GRIK4: variants seen among roughly 807,000 people sequenced by gnomAD.
The protein encoded by GRIK4 is glutamate ionotropic receptor kainate type subunit 4.
A neutral mutation model predicts 104.9 loss-of-function variants in GRIK4; 40 were observed. That is an observed-to-expected ratio of 0.38 (90% CI 0.30 to 0.50). The LOEUF is 0.50. Among genes scored for constraint, GRIK4 ranks in the 20% least tolerant of loss-of-function variants. The pLI is 0.93. For missense variants in GRIK4, 1,047 were observed against 1,308.1 expected (o/e 0.80, Z 3.08); for synonymous variants, 485 against 524.9 (o/e 0.92, Z 1.04).
At chr11:120,833,801 AT>A (rs34617280) in intron 7 of GRIK4, among the ~76,000 whole-genome samples, 49,656 of 151,980 alleles carry the variant, frequency 0.33, 8,960 homozygotes, top group East Asian at 0.48. Flanking sequence ...TTACAGACAC[AT>A]TTTTCCCCCA....
At chr11:120,556,705 C>G (rs533101041) in intron 1 of GRIK4, among the ~76,000 whole-genome samples, 1 of 152,228 alleles carries the variant, frequency 6.6e-6, no homozygotes, top group South Asian at 2.1e-4. Flanking sequence ...AAAAAAAGCA[C>G]CCTCCTGTCA....
At chr11:120,521,602 C>T (rs1947797597) in intron 1 of GRIK4, among the ~76,000 whole-genome samples, 1 of 152,196 alleles carries the variant, frequency 6.6e-6, no homozygotes. Context: ...CCCAGGGCTG[C>T]ATCTGCCACC....
chr11:120,603,898 C>T (rs1463027678), intron 1 of GRIK4, among the ~76,000 whole-genome samples: 4 of 150,282 alleles, frequency 2.7e-5, no homozygotes, highest in African/African-American at 9.8e-5. Flanking sequence ...TGGCCGGGTG[C>T]GGTGGCTCAT....
At chr11:120,656,500 A>T (rs2135230555) in intron 2 of GRIK4, among the ~76,000 whole-genome samples, 1 of 152,230 alleles carries the variant, frequency 6.6e-6, no homozygotes, top group East Asian at 1.9e-4. Flanking sequence ...ATTTCTCATC[A>T]CTGTGTCTAG....
At chr11:120,606,887 G>C (rs1340057884) in intron 1 of GRIK4, among the ~76,000 whole-genome samples, 1 of 152,188 alleles carries the variant, frequency 6.6e-6, no homozygotes, top group East Asian at 1.9e-4. Flanking sequence ...AGGGGAATCT[G>C]CATGTTTTGA....
At chr11:120,582,403 C>T (rs1408961488) in intron 1 of GRIK4, among the ~76,000 whole-genome samples, 1 of 152,000 alleles carries the variant, frequency 6.6e-6, no homozygotes, top group Non-Finnish European at 1.5e-5. Flanking sequence ...CAGACTATTT[C>T]ATCGCCGAGG....
At chr11:120,900,908 G>A (rs970501077) in intron 12 of GRIK4, among the ~76,000 whole-genome samples, 1 of 152,202 alleles carries the variant, frequency 6.6e-6, no homozygotes, top group African/African-American at 2.4e-5. Context: ...CAGCCTGGCT[G>A]AGTCCACTTT....
At chr11:120,698,915 G>A (rs749054932) in intron 3 of GRIK4, among the ~76,000 whole-genome samples, 2 of 152,300 alleles carry the variant, frequency 1.3e-5, no homozygotes, top group Admixed American at 6.5e-5. Flanking sequence ...TTTGGATTTC[G>A]TTGGTCCCCT....
chr11:120,516,173 G>A (rs1202405296), intron 1 of GRIK4, among the ~76,000 whole-genome samples: 1 of 152,206 alleles, frequency 6.6e-6, no homozygotes, highest in Admixed American at 6.5e-5. Flanking sequence ...CCCCTGTTTG[G>A]GGGGTGGGCA....
At chr11:120,970,387 C>T (rs1944455600) in intron 19 of GRIK4, among the ~76,000 whole-genome samples, 1 of 152,174 alleles carries the variant, frequency 6.6e-6, no homozygotes, top group Non-Finnish European at 1.5e-5. Context: ...CCAAGTCTCT[C>T]TTCTCTCCTC....
chr11:120,705,937 G>A (rs192661746), intron 3 of GRIK4, among the ~76,000 whole-genome samples: 241 of 152,270 alleles, frequency 1.6e-3, no homozygotes, highest in African/African-American at 5.4e-3. Flanking sequence ...GGAGGCCCCA[G>A]CATCTCAGGC....
chr11:120,782,550 G>T (rs748460140), intron 3 of GRIK4, among the ~76,000 whole-genome samples: 32 of 152,166 alleles, frequency 2.1e-4, no homozygotes, highest in Non-Finnish European at 4.6e-4. Context: ...CTCCCAAAGT[G>T]CTGGGATTAC....
intron 1 of GRIK4, among the ~76,000 whole-genome samples, chr11:120,597,385 G>A (rs1054862106): frequency 6.6e-6 from 1 of 152,194 alleles, no homozygotes; most frequent in Non-Finnish European, 1.5e-5. Flanking sequence ...GGCTGCACAC[G>A]GTGGGAGCTG....
At chr11:120,676,952 G>A (rs1458270126) in intron 3 of GRIK4, among the ~76,000 whole-genome samples, 1 of 152,216 alleles carries the variant, frequency 6.6e-6, no homozygotes, top group Admixed American at 6.5e-5. Context: ...CATGTGCAGG[G>A]ACTGCACACT....
chr11:120,862,159 C>T (rs1954282502), intron 9 of GRIK4, 39 bp downstream of exon 9: 5 of 1,584,342 alleles, frequency 3.2e-6, no homozygotes, highest in Non-Finnish European at 4.3e-6. Flanking sequence ...GCCCCTTGGC[C>T]TCTGCACATT....
chr11:120,567,238 C>T (rs1948341087), intron 1 of GRIK4, among the ~76,000 whole-genome samples: 1 of 152,074 alleles, frequency 6.6e-6, no homozygotes, highest in Non-Finnish European at 1.5e-5. Flanking sequence ...TGGCTCACTG[C>T]AGCCTTGACC....
intron 1 of GRIK4, among the ~76,000 whole-genome samples, chr11:120,645,545 C>T (rs1201490722): frequency 1.3e-5 from 2 of 152,200 alleles, no homozygotes; most frequent in Non-Finnish European, 2.9e-5. Flanking sequence ...AAGAGGCTGC[C>T]TTCCTATGGT....
intron 3 of GRIK4, among the ~76,000 whole-genome samples, chr11:120,774,615 A>C (rs1167851283): frequency 1.3e-5 from 2 of 152,228 alleles, no homozygotes; most frequent in Non-Finnish European, 2.9e-5. Flanking sequence ...CTACTGATTT[A>C]AATGTTAATC....
intron 17 of GRIK4, 126 bp from the exon 18 acceptor site, chr11:120,962,330 G>C: frequency 1.6e-6 from 1 of 635,652 alleles, no homozygotes; most frequent in South Asian, 1.9e-5. Context: ...AAAGGTTCTT[G>C]ACTGTGATCA....
Sources: gnomAD v4.1 joint callset for allele counts (sites outside exome capture counted in the v4.1 genomes callset) on GRCh38, gnomAD v4.1.1 for gene constraint, MANE v1.5 for transcripts, NCBI Gene and HGNC (gene_info 2026-07-23, HGNC 2026-07-21) for gene names.